The following RARB variants were observed in gnomAD, a reference collection of about 807,000 sequenced individuals.
The protein encoded by RARB is retinoic acid receptor beta, also known as HBV-activated protein.
RARB carries 17 observed loss-of-function variants against 51.9 expected under a neutral mutation model. The observed-to-expected ratio is 0.33, with a 90% confidence interval of 0.22 to 0.49. The LOEUF (loss-of-function observed/expected upper bound fraction) is 0.49. Among genes scored for constraint, RARB ranks in the 20% least tolerant of loss-of-function variants. The pLI is 0.99. For missense variants in RARB, 369 were observed against 550.8 expected, an observed-to-expected ratio of 0.67 and a Z score of 3.30; for synonymous variants, 215 against 195.4, an observed-to-expected ratio of 1.10 and a Z score of -0.84.
At chr3:25,373,689 G>A (rs1233786672) in intron 5 of RARB, among the ~76,000 whole-genome samples, 5 of 152,056 alleles carry the variant, frequency 3.3e-5, no homozygotes, top group Admixed American at 6.6e-5. Flanking sequence ...TAATTAAAAG[G>A]GGGCTGTAAA....
chr3:25,347,653 T>G (rs900580655), intron 5 of RARB, among the ~76,000 whole-genome samples: 2 of 152,222 alleles, frequency 1.3e-5, no homozygotes, highest in African/African-American at 2.4e-5. Context: ...ACTTCAGGTT[T>G]AGACATTTTG....
intron 4 of RARB, among the ~76,000 whole-genome samples, chr3:25,159,091 A>G (rs1247765669): frequency 1.3e-5 from 2 of 151,278 alleles, no homozygotes; most frequent in African/African-American, 4.8e-5. Flanking sequence ...ATGAGAATAT[A>G]GTAATGTCTC....
chr3:25,144,428 C>T (rs922332455), intron 4 of RARB, among the ~76,000 whole-genome samples: 41 of 151,942 alleles, frequency 2.7e-4, no homozygotes, highest in African/African-American at 8.5e-4. Flanking sequence ...AAGCTATTCC[C>T]AAAGCATAGA....
At chr3:25,347,333 A>T (rs1316624734) in intron 5 of RARB, among the ~76,000 whole-genome samples, 5 of 152,198 alleles carry the variant, frequency 3.3e-5, no homozygotes, top group Non-Finnish European at 1.5e-5. Context: ...TTCATGGCGG[A>T]CTTGACCAGC....
In RARB at chr3:25,330,129, G is replaced by A. The variant is rs906653271; in HGVS notation, c.179-131064G>A. Among the ~76,000 whole-genome samples, 5 of 152,214 alleles carry A rather than the reference G, an allele frequency of 3.3e-5. No homozygotes were observed. The South Asian group carries it at 6.2e-4, about 19-fold the overall frequency. On this transcript the variant is annotated intron_variant, in intron 5 of 11. Coordinates refer to the RARB transcript ENST00000383772. ...GAGAAGAGCTTCCCCAAGCCAGCAA[G>A]ACAGGCCAACATTCCAATTCAGGAA...
At chr3:25,300,951 C>T (rs1559349511) in intron 5 of RARB, among the ~76,000 whole-genome samples, 1 of 152,134 alleles carries the variant, frequency 6.6e-6, no homozygotes, top group South Asian at 2.1e-4. Context: ...GAGCCAAGAT[C>T]ACACCACTGC....
chr3:24,904,648 C>T (rs766619550), intron 2 of RARB, among the ~76,000 whole-genome samples: 1 of 152,158 alleles, frequency 6.6e-6, no homozygotes, highest in African/African-American at 2.4e-5. Context: ...TTGACCCAGG[C>T]ATCCCATTCC....
At chr3:25,541,504 A>T (rs185405569) in intron 3 of RARB, among the ~76,000 whole-genome samples, 1 of 152,310 alleles carries the variant, frequency 6.6e-6, no homozygotes, top group South Asian at 2.1e-4. Context: ...GAATGAGTCT[A>T]GCTCTGTATG....
chr3:24,902,732 T>C (rs76638371), intron 2 of RARB, among the ~76,000 whole-genome samples: 1 of 151,962 alleles, frequency 6.6e-6, no homozygotes, highest in Non-Finnish European at 1.5e-5. Context: ...TGTTTTGAAA[T>C]GGAAAAAAAA....
chr3:25,276,631 AT>A (rs1703388643), intron 5 of RARB, among the ~76,000 whole-genome samples: 1 of 152,256 alleles, frequency 6.6e-6, no homozygotes, highest in African/African-American at 2.4e-5. Context: ...GTTAAAAGAC[AT>A]TATGCCTCTA....
chr3:24,963,383 T>G lies in RARB; in HGVS notation c.-379-96742T>G, dbSNP rs142005197. Among the ~76,000 whole-genome samples, 192 of 149,064 alleles carry G rather than the reference T, an allele frequency of 1.3e-3. 1 individual carries two copies. Among genetic ancestry groups the G allele is most frequent in the Non-Finnish European group, 2.2e-3 (150 of 67,362 alleles). ...TTTTTGTCCTTGGTCAGCTGTGCTA[T>G]AGCTAAAACATTAGGGCCTAATGGC... is the stretch of plus-strand genomic sequence containing the variant. On this transcript the variant is annotated intron_variant, in intron 2 of 11. Transcript: ENST00000383772.
At chr3:25,164,770 C>T (rs1367111448) in intron 4 of RARB, among the ~76,000 whole-genome samples, 5 of 152,188 alleles carry the variant, frequency 3.3e-5, no homozygotes, top group Non-Finnish European at 7.3e-5. Flanking sequence ...GGTACGCATA[C>T]ATGCTGAGTT....
intron 5 of RARB, among the ~76,000 whole-genome samples, chr3:25,356,717 A>AT (rs1363246391): frequency 2.0e-5 from 3 of 151,944 alleles, no homozygotes; most frequent in Non-Finnish European, 2.9e-5. Context: ...CCCTGGGCCC[A>AT]TATGTTCTCA....
intron 5 of RARB, among the ~76,000 whole-genome samples, chr3:25,290,460 A>C (rs1379228398): frequency 6.6e-6 from 1 of 152,162 alleles, no homozygotes. Flanking sequence ...TCTGTTGTTT[A>C]AACCACCCAG....
intron 5 of RARB, among the ~76,000 whole-genome samples, chr3:25,300,787 T>C (rs757576383): frequency 8.5e-5 from 13 of 152,048 alleles, no homozygotes; most frequent in Non-Finnish European, 1.6e-4. Flanking sequence ...CTCAGGAGTT[T>C]GCGACCAGCC....
intron 3 of RARB, among the ~76,000 whole-genome samples, chr3:25,066,198 A>G (rs892199130): frequency 1.3e-5 from 2 of 152,166 alleles, no homozygotes; most frequent in Non-Finnish European, 2.9e-5. Context: ...ATTGCCTTTG[A>G]TAAAACATGC....
intron 2 of RARB, among the ~76,000 whole-genome samples, chr3:24,997,638 G>C (rs1026147838): frequency 2.0e-5 from 3 of 152,006 alleles, no homozygotes; most frequent in African/African-American, 7.2e-5. Flanking sequence ...ACTTGCCTTG[G>C]CCTCCTAAAG....
At chr3:25,268,257 T>C (rs73047810) in intron 5 of RARB, among the ~76,000 whole-genome samples, 18,168 of 152,144 alleles carry the variant, frequency 0.12, 1,233 homozygotes, top group Non-Finnish European at 0.16. Flanking sequence ...AGATCCACCA[T>C]TGAAGGGCTG....
chr3:25,419,849 G>T (rs1432256491), intron 5 of RARB, among the ~76,000 whole-genome samples: 2 of 152,192 alleles, frequency 1.3e-5, no homozygotes, highest in Admixed American at 1.3e-4. Context: ...TTTTGAAACT[G>T]TTGCCTTCTG....
Sources: allele counts gnomAD v4.1 joint callset (sites outside exome capture counted in the v4.1 genomes callset), GRCh38; gene constraint gnomAD v4.1.1; transcripts MANE v1.5; gene names NCBI Gene and HGNC (gene_info 2026-07-23, HGNC 2026-07-21).